Variants in ZNF735 observed in about 807,000 individuals in gnomAD.
ZNF735 encodes zinc finger protein 735.
A neutral mutation model predicts 13.4 loss-of-function variants in ZNF735; 11 were observed. That is an observed-to-expected ratio of 0.82 (90% CI 0.52 to 1.36). The LOEUF is 1.36. ZNF735 is among the 40% of genes most tolerant of loss of function. ZNF735 has a pLI of 0.00. For missense variants in ZNF735, 500 were observed against 484.6 expected (o/e 1.03, Z -0.30); for synonymous variants, 171 against 162.6 (o/e 1.05, Z -0.39).
intron 1 of ZNF735, among the ~76,000 whole-genome samples, chr7:64,211,271 G>A (rs1787356956): frequency 6.6e-6 from 1 of 152,080 alleles, no homozygotes; most frequent in Non-Finnish European, 1.5e-5. Context: ...AACATGAGAA[G>A]GTGTAAATAC....
intron 3 of ZNF735, among the ~76,000 whole-genome samples, chr7:64,218,498 T>C (rs1368358303): frequency 6.6e-6 from 1 of 152,142 alleles, no homozygotes; most frequent in East Asian, 1.9e-4. Context: ...ATGTCCACAA[T>C]TGTTTATTTT....
chr7:64,208,241 A>ATT (rs1787313643), intron 1 of ZNF735, among the ~76,000 whole-genome samples: 1 of 110,066 alleles, frequency 9.1e-6, no homozygotes, highest in Admixed American at 1.1e-4. Context: ...ATCTCCAATA[A>ATT]ATGTTTTTTT....
At chr7:64,219,933 G>A (rs754397359) in exon 4 of ZNF735, 4 of 1,613,784 alleles carry the variant, frequency 2.5e-6, no homozygotes, top group African/African-American at 1.3e-5. Context: ...ATACTGGAGA[G>A]AGACCCTACA....
chr7:64,219,355 A>C (rs10270226), exon 4 of ZNF735: 1 of 1,613,370 alleles, frequency 6.2e-7, no homozygotes, highest in Admixed American at 1.7e-5. Context: ...GCCAGAGCAG[A>C]GCATAAAAGA....
exon 4 of ZNF735, chr7:64,220,155 A>G: frequency 6.2e-7 from 1 of 1,613,160 alleles, no homozygotes; most frequent in South Asian, 1.1e-5. Flanking sequence ...CCTCAACTGT[A>G]AAGGCACATA....
intron 1 of ZNF735, among the ~76,000 whole-genome samples, chr7:64,210,280 G>C (rs1303802857): frequency 1.3e-5 from 2 of 152,074 alleles, no homozygotes; most frequent in East Asian, 3.8e-4. Flanking sequence ...ACTTAAAAAA[G>C]CCAACAAAAA....
exon 4 of ZNF735, chr7:64,219,825 A>C: frequency 6.2e-7 from 1 of 1,613,492 alleles, no homozygotes; most frequent in South Asian, 1.1e-5. Flanking sequence ...ACCTTACTAG[A>C]CATAAGAGAA....
rs376504197 is a variant in ZNF735, at chr7:64,219,802, A to T, written c.751A>T (p.Arg251Trp). Reference sequence around the variant, plus strand: ...ATGTGAGGAATGTGGCAAAGCCTTTAGGTGGCCCTCAAACCTTACTAGACA... The same window carrying T: ...ATGTGAGGAATGTGGCAAAGCCTTTTGGTGGCCCTCAAACCTTACTAGACA... Residue 251 changes from arginine to tryptophan, a missense_variant, in exon 4 of 4, where the codon AGG becomes TGG. Coordinates refer to ENST00000429565, the Ensembl canonical transcript of ZNF735. 89 of 1,612,928 alleles carry T rather than the reference A, an allele frequency of 5.5e-5. 2 individuals are homozygous for T. The South Asian group carries it at 9.6e-4, about 17-fold the overall frequency.
chr7:64,212,528 C>T (rs1584213669), intron 1 of ZNF735, among the ~76,000 whole-genome samples: 1 of 152,266 alleles, frequency 6.6e-6, no homozygotes, highest in South Asian at 2.1e-4. Flanking sequence ...TGAGGTGGCT[C>T]ATGCCTGCAA....
chr7:64,213,174 A>G (rs754372617), exon 2 of ZNF735: 7 of 1,612,582 alleles, frequency 4.3e-6, no homozygotes, highest in South Asian at 1.1e-5. Flanking sequence ...CAGAATTTAT[A>G]TAGAGATGTG....
chr7:64,212,977 TGTAA>T, intron 1 of ZNF735, 111 bp from the exon 2 acceptor site: 1 of 1,120,332 alleles, frequency 8.9e-7, no homozygotes, highest in Non-Finnish European at 1.3e-6. Flanking sequence ...CAGTCACTCT[TGTAA>T]GTGAGAAACA....
At chr7:64,213,257 CG>C (rs1360454326) in intron 2 of ZNF735, 39 bp downstream of exon 2, 5 of 1,538,204 alleles carry the variant, frequency 3.3e-6, no homozygotes, top group Non-Finnish European at 4.4e-6. Flanking sequence ...AATATATTGC[CG>C]TTCTCTCTTT....
intron 3 of ZNF735, among the ~76,000 whole-genome samples, chr7:64,218,519 A>G (rs934488866): frequency 4.1e-5 from 6 of 147,402 alleles, no homozygotes; most frequent in Admixed American, 6.7e-5. Flanking sequence ...TATTATTCCA[A>G]CCATTTTGTT....
chr7:64,212,964 T>A, intron 1 of ZNF735, 128 bp from the exon 2 acceptor site: 8 of 972,764 alleles, frequency 8.2e-6, no homozygotes, highest in Non-Finnish European at 1.2e-5. Flanking sequence ...TACTGAGTAA[T>A]TTCAGTCACT....
chr7:64,209,991 T>G (rs1370705001), intron 1 of ZNF735, among the ~76,000 whole-genome samples: 2 of 152,208 alleles, frequency 1.3e-5, no homozygotes, highest in Non-Finnish European at 2.9e-5. Context: ...TGAATTATTA[T>G]TCTATATATT....
At chr7:64,219,999 G>C (rs777125117) in exon 4 of ZNF735, 2 of 1,613,076 alleles carry the variant, frequency 1.2e-6, no homozygotes, top group Non-Finnish European at 8.5e-7. Context: ...TTTACCACAA[G>C]AGAATTCATA....
chr7:64,216,724 G>T (rs1387118409), intron 3 of ZNF735, among the ~76,000 whole-genome samples: 1 of 151,698 alleles, frequency 6.6e-6, no homozygotes, highest in Non-Finnish European at 1.5e-5. Context: ...TTCCACCTTG[G>T]CCTCCTGAGT....
chr7:64,210,699 A>T (rs1787346508), intron 1 of ZNF735, among the ~76,000 whole-genome samples: 1 of 152,144 alleles, frequency 6.6e-6, no homozygotes, highest in Non-Finnish European at 1.5e-5. Context: ...AGGGGAGGGC[A>T]GGGAAAAAGA....
chr7:64,218,694 A>G (rs985691394), intron 3 of ZNF735, among the ~76,000 whole-genome samples: 5 of 152,054 alleles, frequency 3.3e-5, no homozygotes, highest in African/African-American at 1.2e-4. Flanking sequence ...TATTTTGTAT[A>G]CATTATAATC....
Sources: gnomAD v4.1 joint callset for allele counts (sites outside exome capture counted in the v4.1 genomes callset) on GRCh38, gnomAD v4.1.1 for gene constraint, MANE v1.5 for transcripts, NCBI Gene and HGNC (gene_info 2026-07-23, HGNC 2026-07-21) for gene names.